Variants in CNNM2 observed in about 807,000 individuals in gnomAD.
The protein encoded by CNNM2 is metal transporter CNNM2.
A neutral mutation model predicts 66.9 loss-of-function variants in CNNM2; 12 were observed. That is an observed-to-expected ratio of 0.18 (90% CI 0.11 to 0.29). The LOEUF (loss-of-function observed/expected upper bound fraction) is 0.29, where lower values mean the gene tolerates loss of function less well. Among genes scored for constraint, CNNM2 ranks in the 10% least tolerant of loss-of-function variants. CNNM2 has a pLI of 1.00. For synonymous variants in CNNM2, 557 were observed against 501.8 expected (o/e 1.11, Z -1.47); for missense variants, 705 against 1,167.7 (o/e 0.60, Z 5.77).
At position 103,080,168 on chromosome 10, in the gene CNNM2, A is replaced by G. The variant is rs2065743862; in HGVS notation, c.*2988A>G. On this transcript the variant is annotated 3_prime_UTR_variant, in exon 8 of 8. Transcript: ENST00000369878. ...AGATGCAGACCCCTGAGTTCTGGAT[A>G]CTGATGGGAGGCCTCACCCTCCTTT... The G allele has an allele frequency of 6.6e-6, 1 of 152,124 alleles. No individual in the cohort carries two copies. The highest frequency in any genetic ancestry group is 1.5e-5 in the Non-Finnish European group (1 of 68,082). 9.4% of individuals were successfully genotyped at this position (152,124 alleles called of 1,614,324 possible). A position where few individuals can be genotyped will look rare whatever the true frequency, so the allele number is the denominator to read the frequency against.
chr10:102,989,520 G>C lies in CNNM2; in HGVS notation c.1622-60187G>C, dbSNP rs2063858566. ...AAATGGTACATTTAAAGATAGTTTG[G>C]GGACGGGCATGGTGACTCATGCCTG... On this transcript the variant is annotated intron_variant, in intron 1 of 7. Coordinates refer to ENST00000369878, the MANE Select transcript of CNNM2 (RefSeq NM_017649.5). Among the ~76,000 whole-genome samples the C allele has an allele frequency of 3.3e-5, 5 of 152,018 alleles. No homozygotes were observed. The South Asian group carries it at 1.0e-3, about 32-fold the overall frequency.
chr10:103,085,820 T>C lies in CNNM2; in HGVS notation c.*8640T>C, dbSNP rs2065800432. ...TTATTTTTGAGATCACATACCTTTG[T>C]TGGAATGAATCAGACTGTTGTGGCC... On this transcript the variant is annotated 3_prime_UTR_variant, in exon 8 of 8. Coordinates refer to ENST00000369878, the MANE Select transcript of CNNM2 (RefSeq NM_017649.5). 1 of 152,164 alleles carries C rather than the reference T, an allele frequency of 6.6e-6. No individual in the cohort carries two copies. The highest frequency in any genetic ancestry group is 2.1e-4 in the South Asian group (1 of 4,828). The allele number at this position is 152,164 out of a possible 1,614,324, so 9.4% of individuals were successfully genotyped here.
chr10:102,952,069 C>T (rs1211485967), intron 1 of CNNM2, among the ~76,000 whole-genome samples: 2 of 152,050 alleles, frequency 1.3e-5, no homozygotes, highest in Non-Finnish European at 2.9e-5. Flanking sequence ...TCCCAAAGTT[C>T]TGGGATCACA....
chr10:102,957,135 C>G (rs1847071296), intron 1 of CNNM2, among the ~76,000 whole-genome samples: 1 of 151,942 alleles, frequency 6.6e-6, no homozygotes, highest in African/African-American at 2.4e-5. Context: ...AACCCCGTCT[C>G]TACTAAAAAT....
chr10:102,926,645 G>A (rs1042883462), intron 1 of CNNM2, among the ~76,000 whole-genome samples: 1 of 151,780 alleles, frequency 6.6e-6, no homozygotes, highest in African/African-American at 2.4e-5. Context: ...TCCCAGGTTC[G>A]AGTGATCCTC....
chr10:103,075,194 G>A (rs776655056), intron 6 of CNNM2, among the ~76,000 whole-genome samples: 1 of 152,230 alleles, frequency 6.6e-6, no homozygotes. Context: ...GCAAAGAGGA[G>A]CCAAGCGTCA....
At chr10:103,014,693 C>T (rs1372123399) in intron 1 of CNNM2, among the ~76,000 whole-genome samples, 1 of 152,086 alleles carries the variant, frequency 6.6e-6, no homozygotes, top group Non-Finnish European at 1.5e-5. Flanking sequence ...GACTGATGCT[C>T]AAGCGCTTTT....
intron 1 of CNNM2, among the ~76,000 whole-genome samples, chr10:103,049,077 C>T (rs1370941558): frequency 1.3e-5 from 2 of 152,130 alleles, no homozygotes; most frequent in African/African-American, 4.8e-5. Context: ...AACCCCTGGG[C>T]TCAAGTGGTC....
In CNNM2 at chr10:103,080,307, C is replaced by T. The variant is rs1333410589; in HGVS notation, c.*3127C>T. 6.6e-6 allele frequency: 1 copy of T among 152,194 alleles called. No homozygotes were observed. The highest frequency in any genetic ancestry group is 2.4e-5 in the African/African-American group (1 of 41,432). 9.4% of individuals were successfully genotyped at this position (152,194 alleles called of 1,614,324 possible). On this transcript the variant is annotated 3_prime_UTR_variant, in exon 8 of 8. Transcript: ENST00000369878. ...TCCAGATAGTCCTGGGACACTCTGCCTGCTCTGTAAATGAGGAGGGCTTTT... is the reference window on the plus strand; with the variant it reads ...TCCAGATAGTCCTGGGACACTCTGCTTGCTCTGTAAATGAGGAGGGCTTTT...
At chr10:102,960,973 A>G (rs367714431) in intron 1 of CNNM2, among the ~76,000 whole-genome samples, 11 of 149,612 alleles carry the variant, frequency 7.4e-5, no homozygotes, top group East Asian at 3.9e-4. Flanking sequence ...GGCTCACTCC[A>G]ACCTCCGGTT....
At chr10:102,981,380 C>T (rs971002554) in intron 1 of CNNM2, among the ~76,000 whole-genome samples, 3 of 151,810 alleles carry the variant, frequency 2.0e-5, no homozygotes, top group African/African-American at 7.3e-5. Context: ...TAATTCCCTT[C>T]CTCTTTTTTC....
chr10:102,965,956 C>T (rs897115185), intron 1 of CNNM2, among the ~76,000 whole-genome samples: 1 of 152,112 alleles, frequency 6.6e-6, no homozygotes, highest in Non-Finnish European at 1.5e-5. Flanking sequence ...TTTGTCACAG[C>T]TGAGTCTTCA....
chr10:103,006,824 G>T (rs1315467712), intron 1 of CNNM2, among the ~76,000 whole-genome samples: 35 of 151,862 alleles, frequency 2.3e-4, no homozygotes, highest in Non-Finnish European at 1.2e-4. Context: ...ATAGTGATGG[G>T]GTCTCGCTAT....
chr10:103,005,801 T>A (rs2064214951), intron 1 of CNNM2, among the ~76,000 whole-genome samples: 2 of 152,192 alleles, frequency 1.3e-5, no homozygotes. Flanking sequence ...TGATCATAGC[T>A]CACTGCAGCC....
chr10:102,949,990 T>C (rs533535163), intron 1 of CNNM2, among the ~76,000 whole-genome samples: 21 of 152,238 alleles, frequency 1.4e-4, no homozygotes, highest in African/African-American at 4.6e-4. Context: ...TTATAAAAGA[T>C]ACCTAAAGCA....
intron 1 of CNNM2, among the ~76,000 whole-genome samples, chr10:102,986,330 T>G (rs1219277228): frequency 6.6e-6 from 1 of 151,704 alleles, no homozygotes; most frequent in African/African-American, 2.4e-5. Context: ...CTCGGCTCAC[T>G]GCAACCTCTG....
chr10:102,969,529 T>G (rs2063518048), intron 1 of CNNM2, among the ~76,000 whole-genome samples: 1 of 151,476 alleles, frequency 6.6e-6, no homozygotes. Flanking sequence ...CTATCTTAGT[T>G]GTAGTTTTGC....
intron 1 of CNNM2, among the ~76,000 whole-genome samples, chr10:103,037,293 A>C (rs2064959154): frequency 6.7e-6 from 1 of 149,420 alleles, no homozygotes; most frequent in Non-Finnish European, 1.5e-5. Context: ...TTTTATATAT[A>C]ATACATTTTC....
intron 1 of CNNM2, among the ~76,000 whole-genome samples, chr10:102,990,936 T>G (rs1237136751): frequency 6.6e-6 from 1 of 152,174 alleles, no homozygotes; most frequent in South Asian, 2.1e-4. Context: ...TAGGAATAGT[T>G]ATCTCTGTGT....
Sources: allele counts gnomAD v4.1 joint callset (sites outside exome capture counted in the v4.1 genomes callset), GRCh38; gene constraint gnomAD v4.1.1; transcripts MANE v1.5; gene names NCBI Gene and HGNC (gene_info 2026-07-23, HGNC 2026-07-21).